The following SLCO1B3 variants were observed in gnomAD, a reference collection of about 807,000 sequenced individuals.
The protein encoded by SLCO1B3 is liver-specific organic anion transporter 2.
A neutral mutation model predicts 71.8 loss-of-function variants in SLCO1B3; 72 were observed. That is an observed-to-expected ratio of 1.00 (90% confidence interval 0.83 to 1.22). The LOEUF (loss-of-function observed/expected upper bound fraction) is 1.22, where lower values mean the gene tolerates loss of function less well. SLCO1B3 is among the 50% of genes most tolerant of loss of function. SLCO1B3 has a pLI of 0.00. For missense variants in SLCO1B3, 911 were observed against 819.7 expected, an observed-to-expected ratio of 1.11 and a Z score of -1.36; for synonymous variants, 298 against 278.4, an observed-to-expected ratio of 1.07 and a Z score of -0.70.
intron 3 of SLCO1B3, among the ~76,000 whole-genome samples, chr12:20,840,510 C>A (rs572864612): frequency 6.6e-6 from 1 of 151,930 alleles, no homozygotes; most frequent in South Asian, 2.1e-4. Flanking sequence ...TCTGCCTCAG[C>A]CTCCCAGTAG....
chr12:20,866,936 A>G (rs1008590902), intron 8 of SLCO1B3, among the ~76,000 whole-genome samples: 3 of 152,154 alleles, frequency 2.0e-5, no homozygotes, highest in Non-Finnish European at 4.4e-5. Context: ...TGGTTGTATG[A>G]CAAGAAGGCC....
chr12:20,914,195 A>G (rs1045338211), intron 15 of SLCO1B3, among the ~76,000 whole-genome samples: 22 of 152,040 alleles, frequency 1.4e-4, no homozygotes, highest in Non-Finnish European at 4.4e-5. Context: ...CTATTTTTGT[A>G]TTCCACTCTC....
chr12:20,907,423 C>A (rs1866269368), intron 15 of SLCO1B3, among the ~76,000 whole-genome samples: 1 of 86,164 alleles, frequency 1.2e-5, no homozygotes, highest in Admixed American at 1.4e-4. Context: ...TCCTTCCCTT[C>A]CTTTCTTCCT....
chr12:20,913,128 C>T (rs1008562815), intron 15 of SLCO1B3, among the ~76,000 whole-genome samples: 4 of 152,098 alleles, frequency 2.6e-5, no homozygotes, highest in African/African-American at 9.7e-5. Flanking sequence ...TTGAGTTCAA[C>T]TATGTCTGAT....
chr12:20,844,089 A>C (rs1051759579), intron 3 of SLCO1B3, among the ~76,000 whole-genome samples: 1 of 151,944 alleles, frequency 6.6e-6, no homozygotes, highest in Non-Finnish European at 1.5e-5. Flanking sequence ...AATTTTAATT[A>C]AAATCTTTGT....
At chr12:20,893,195 G>A (rs1422930632) in intron 13 of SLCO1B3, among the ~76,000 whole-genome samples, 4 of 152,090 alleles carry the variant, frequency 2.6e-5, no homozygotes, top group Non-Finnish European at 4.4e-5. Context: ...TTTAAAAGTG[G>A]GTACTGATGA....
chr12:20,847,301 T>C (rs1864938498), intron 3 of SLCO1B3, among the ~76,000 whole-genome samples: 1 of 152,170 alleles, frequency 6.6e-6, no homozygotes, highest in Admixed American at 6.5e-5. Flanking sequence ...AATTACATAT[T>C]GAAACCCTGA....
chr12:20,880,842 C>T lies in SLCO1B3; in HGVS notation c.1332-13C>T, dbSNP rs1865676761. 4 of 1,543,062 alleles carry T rather than the reference C, an allele frequency of 2.6e-6. No individual in the cohort carries two copies. The highest frequency in any genetic ancestry group is 3.5e-6 in the Non-Finnish European group (4 of 1,126,898). On this transcript the variant is annotated splice_polypyrimidine_tract_variant and intron_variant, in intron 11 of 15. Transcript: ENST00000381545. ...TTCTCTTTTTTTGATATATTTCTAT[C>T]ATATATTTTCAGAAATAATTCAGTG...
At position 20,860,744 on chromosome 12, in the gene SLCO1B3, A is replaced by G. The variant is rs2900473; in HGVS notation, c.360-273A>G. 0.73 allele frequency among the ~76,000 whole-genome samples: 109,314 copies of G among 150,712 alleles called. 42,311 individuals carry two copies. The highest frequency in any genetic ancestry group is 0.9 in the South Asian group (4,312 of 4,782). On this transcript the variant is annotated intron_variant, in intron 5 of 15. Transcript: ENST00000381545. Reference sequence around the variant, plus strand: ...AACAGGTGAAACCATGATATTTCATATCTTGACCAGATTATAAGCACTCTT... The same window carrying G: ...AACAGGTGAAACCATGATATTTCATGTCTTGACCAGATTATAAGCACTCTT...
At chr12:20,892,501 G>A (rs2121343154) in intron 13 of SLCO1B3, among the ~76,000 whole-genome samples, 1 of 152,202 alleles carries the variant, frequency 6.6e-6, no homozygotes, top group East Asian at 1.9e-4. Context: ...CAGAAAAGAG[G>A]GAAAGCAATT....
intron 3 of SLCO1B3, among the ~76,000 whole-genome samples, chr12:20,831,160 C>T (rs560830498): frequency 4.6e-5 from 7 of 152,062 alleles, no homozygotes; most frequent in African/African-American, 1.4e-4. Context: ...AGTTCGAGAC[C>T]AGCCTGGCCA....
At chr12:20,856,582 G>A (rs1338978170) in intron 4 of SLCO1B3, among the ~76,000 whole-genome samples, 1 of 152,072 alleles carries the variant, frequency 6.6e-6, no homozygotes, top group Non-Finnish European at 1.5e-5. Flanking sequence ...TGTTTTTCAA[G>A]GCAGAGTCTC....
chr12:20,910,174 A>T (rs1866345662), intron 15 of SLCO1B3, among the ~76,000 whole-genome samples: 1 of 152,072 alleles, frequency 6.6e-6, no homozygotes, highest in South Asian at 2.1e-4. Context: ...TTGCATGTGG[A>T]TATCTAATTG....
intron 12 of SLCO1B3, among the ~76,000 whole-genome samples, chr12:20,882,435 A>G (rs7956242): frequency 0.72 from 109,989 of 151,870 alleles, 42,415 homozygotes; most frequent in South Asian, 0.9. Flanking sequence ...ATGGAGTCTC[A>G]CCCTGTCACC....
chr12:20,827,845 G>C (rs1484332778), intron 3 of SLCO1B3, among the ~76,000 whole-genome samples: 2 of 152,122 alleles, frequency 1.3e-5, no homozygotes, highest in African/African-American at 4.8e-5. Flanking sequence ...TGAGATTACA[G>C]GTGTGAGCCA....
At chr12:20,839,440 T>G (rs1329935878) in intron 3 of SLCO1B3, among the ~76,000 whole-genome samples, 1 of 152,132 alleles carries the variant, frequency 6.6e-6, no homozygotes, top group Non-Finnish European at 1.5e-5. Flanking sequence ...AATTTTAGGT[T>G]GTTGTTTTCT....
At position 20,916,352 on chromosome 12, in the gene SLCO1B3, T is replaced by C. The variant is rs989077078; in HGVS notation, c.*105T>C. ...GTGGACCAATGGATAAGTCTATGCA[T>C]CTATAATAAACTATAAAAAATGGGA... is the stretch of plus-strand genomic sequence containing the variant. On this transcript the variant is annotated 3_prime_UTR_variant, in exon 16 of 16. Coordinates refer to ENST00000381545, the MANE Select transcript of SLCO1B3 (RefSeq NM_019844.4). 4 of 1,087,974 alleles carry C rather than the reference T, an allele frequency of 3.7e-6. No individual in the cohort carries two copies. Among genetic ancestry groups the C allele is most frequent in the Non-Finnish European group, 5.3e-6 (4 of 748,526 alleles). The allele number at this position is 1,087,974 out of a possible 1,614,324, so 67.4% of individuals were successfully genotyped here.
chr12:20,879,729 CTTTAT>C (rs1174505208), intron 11 of SLCO1B3, 98 bp downstream of exon 11: 2 of 785,400 alleles, frequency 2.5e-6, no homozygotes, highest in Non-Finnish European at 1.9e-6. Flanking sequence ...TGTAATTAAA[CTTTAT>C]TTTAATTGAG....
intron 3 of SLCO1B3, among the ~76,000 whole-genome samples, chr12:20,843,091 T>C (rs1177890815): frequency 6.6e-6 from 1 of 152,306 alleles, no homozygotes; most frequent in East Asian, 1.9e-4. Flanking sequence ...ATATTTTTAA[T>C]AGAAGCCCCA....
Sources: gnomAD v4.1 joint callset for allele counts (sites outside exome capture counted in the v4.1 genomes callset) on GRCh38, gnomAD v4.1.1 for gene constraint, MANE v1.5 for transcripts, NCBI Gene and HGNC (gene_info 2026-07-23, HGNC 2026-07-21) for gene names.